The following GNA12 variants were observed in gnomAD, a reference collection of about 807,000 sequenced individuals.
GNA12 encodes the protein guanine nucleotide-binding protein subunit alpha-12.
A neutral mutation model predicts 26.0 loss-of-function variants in GNA12; 9 were observed. That is an observed-to-expected ratio of 0.35 (90% CI 0.21 to 0.60). The LOEUF (loss-of-function observed/expected upper bound fraction) is 0.60, where lower values mean the gene tolerates loss of function less well. Ranked by LOEUF, GNA12 falls within the 20% of genes least tolerant of loss-of-function variation. GNA12 has a pLI of 0.78. For synonymous variants in GNA12, 264 were observed against 219.6 expected, an observed-to-expected ratio of 1.20 and a Z score of -1.79; for missense variants, 405 against 525.8, an observed-to-expected ratio of 0.77 and a Z score of 2.25.
chr7:2,826,400 C>G lies in GNA12; in HGVS notation c.309+17453G>C, dbSNP rs911328317. On this transcript the variant is annotated intron_variant, in intron 1 of 3. Coordinates refer to ENST00000275364, the MANE Select transcript of GNA12 (RefSeq NM_007353.3). Reference sequence around the variant, plus strand: ...TCAAAAAAAAAAAAAAAAAAACCAACAAAAGCAAATACTTGTACCATATAA... The same window carrying G: ...TCAAAAAAAAAAAAAAAAAAACCAAGAAAAGCAAATACTTGTACCATATAA... Among the ~76,000 whole-genome samples, 13 of 138,980 alleles carry G rather than the reference C, an allele frequency of 9.4e-5. No individual in the cohort carries two copies. The South Asian group carries it at 2.8e-3, about 30-fold the overall frequency. The allele number at this position is 138,980 out of a possible 152,430, so 91.2% of individuals were successfully genotyped here.
At chr7:2,811,042 A>C (rs1323352562) in intron 1 of GNA12, among the ~76,000 whole-genome samples, 14 of 152,212 alleles carry the variant, frequency 9.2e-5, no homozygotes, top group Admixed American at 6.5e-4. Context: ...GAATCAGAAG[A>C]AACAGATGCT....
chr7:2,745,293 G>A (rs1041339062), intron 2 of GNA12, among the ~76,000 whole-genome samples: 1 of 152,224 alleles, frequency 6.6e-6, no homozygotes, highest in Non-Finnish European at 1.5e-5. Context: ...CCCACAAAGG[G>A]AAGCCCATCA....
chr7:2,813,993 C>G (rs1355599452), intron 1 of GNA12, among the ~76,000 whole-genome samples: 1 of 152,176 alleles, frequency 6.6e-6, no homozygotes, highest in Non-Finnish European at 1.5e-5. Context: ...GAGGAGTTCA[C>G]CCCTCATTTC....
At chr7:2,833,962 A>C (rs1381154993) in intron 1 of GNA12, among the ~76,000 whole-genome samples, 1 of 152,212 alleles carries the variant, frequency 6.6e-6, no homozygotes, top group Non-Finnish European at 1.5e-5. Flanking sequence ...ATTTTTACAT[A>C]ATCTTTGATA....
At chr7:2,762,481 G>A (rs1791607268) in intron 2 of GNA12, 1 of 704,404 alleles carries the variant, frequency 1.4e-6, no homozygotes, top group African/African-American at 1.9e-5. Context: ...CCACCCGTGT[G>A]CGGGGCCTGA....
chr7:2,753,311 G>A (rs1353610172), intron 2 of GNA12, among the ~76,000 whole-genome samples: 3 of 152,068 alleles, frequency 2.0e-5, no homozygotes, highest in Admixed American at 6.5e-5. Flanking sequence ...ATGCCACCAC[G>A]ATTGGCTAAT....
At chr7:2,753,441 T>C (rs1211643202) in intron 2 of GNA12, among the ~76,000 whole-genome samples, 1 of 152,196 alleles carries the variant, frequency 6.6e-6, no homozygotes, top group South Asian at 2.1e-4. Context: ...CCTGGCAGCA[T>C]GTGGCCTTTG....
chr7:2,833,646 G>T (rs1562450396), intron 1 of GNA12, among the ~76,000 whole-genome samples: 3 of 152,064 alleles, frequency 2.0e-5, no homozygotes, highest in African/African-American at 4.8e-5. Flanking sequence ...GTTTTGTTTG[G>T]TTTTTTGGTA....
At chr7:2,830,963 C>A (rs75329599) in intron 1 of GNA12, among the ~76,000 whole-genome samples, 1 of 147,358 alleles carries the variant, frequency 6.8e-6, no homozygotes, top group East Asian at 2.0e-4. Flanking sequence ...GAAAAAAAAA[C>A]AAAAAACAAA....
chr7:2,755,151 C>A (rs978569252), intron 2 of GNA12, among the ~76,000 whole-genome samples: 1 of 152,320 alleles, frequency 6.6e-6, no homozygotes, highest in Middle Eastern at 3.4e-3. Flanking sequence ...CAGCACCACA[C>A]AGGCCTGACC....
intron 1 of GNA12, among the ~76,000 whole-genome samples, chr7:2,834,788 T>A (rs937901708): frequency 3.9e-5 from 6 of 152,208 alleles, no homozygotes; most frequent in Non-Finnish European, 7.3e-5. Context: ...GTATTCAGTA[T>A]AGTAACATGC....
intron 2 of GNA12, among the ~76,000 whole-genome samples, chr7:2,755,415 A>G (rs1791246772): frequency 6.6e-6 from 1 of 151,796 alleles, no homozygotes; most frequent in Admixed American, 6.6e-5. Context: ...TTTAGATCTC[A>G]TTTCTTGAGT....
At position 2,843,834 on chromosome 7, in the gene GNA12, G is replaced by A; in HGVS notation, c.309+19C>T. 1.4e-6 allele frequency: 2 copies of A among 1,417,916 alleles called. No individual in the cohort carries two copies. Among genetic ancestry groups the A allele is most frequent in the Non-Finnish European group, 1.9e-6 (2 of 1,063,238 alleles). 87.8% of individuals were successfully genotyped at this position (1,417,916 alleles called of 1,614,324 possible). A position where few individuals can be genotyped will look rare whatever the true frequency, so the allele number is the denominator to read the frequency against. ...CCGGCCCACCTGGGTGCAGGTGCTG[G>A]GCGGGGGGCGCGCGTCACCTTGAGG... On this transcript the variant is annotated intron_variant, in intron 1 of 3. Transcript: ENST00000275364.
rs542672819 is a variant in GNA12, at chr7:2,761,826, C to T, written c.526-28325G>A. Among the ~76,000 whole-genome samples the T allele has an allele frequency of 9.8e-4, 149 of 152,342 alleles. 1 individual carries two copies. Among genetic ancestry groups the T allele is most frequent in the African/African-American group, 3.6e-3 (148 of 41,574 alleles). On this transcript the variant is annotated intron_variant, in intron 2 of 3. Transcript: ENST00000275364. ...GACCAACTAATGCTGCTTTCATACC[C>T]TGGATAGTGCTGAGTACCTAACAGC... is the stretch of plus-strand genomic sequence containing the variant.
At chr7:2,780,217 C>T (rs1031662361) in intron 2 of GNA12, among the ~76,000 whole-genome samples, 6 of 151,368 alleles carry the variant, frequency 4.0e-5, no homozygotes, top group East Asian at 1.9e-4. Flanking sequence ...CTTTTCTAAC[C>T]GCTGGACAAT....
Position 2,766,405 on chromosome 7 carries a change from G to C in GNA12, c.525+28523C>G, listed in dbSNP as rs576682392. Among the ~76,000 whole-genome samples the C allele has an allele frequency of 9.5e-3, 679 of 71,558 alleles. 2 individuals are homozygous for C. Among genetic ancestry groups the C allele is most frequent in the Non-Finnish European group, 0.015 (547 of 36,844 alleles). 46.9% of individuals were successfully genotyped at this position (71,558 alleles called of 152,430 possible). ...CTTCCGCCTTTTTTTTTTTTTTTTTGAGACGGAGTCTTGCTCTGTCGCCAG... is the reference window on the plus strand; with the variant it reads ...CTTCCGCCTTTTTTTTTTTTTTTTTCAGACGGAGTCTTGCTCTGTCGCCAG... On this transcript the variant is annotated intron_variant, in intron 2 of 3. Transcript: ENST00000275364.
rs1713919 is a variant in GNA12 at position 2,825,072 on chromosome 7, C to T, written c.309+18781G>A. On this transcript the variant is annotated intron_variant, in intron 1 of 3. Coordinates refer to ENST00000275364, the MANE Select transcript of GNA12 (RefSeq NM_007353.3). ...GTAGTACCCAAGACTCCATGACCATCTCTAAACATCAGACTGCCACCAAAA... is the reference window on the plus strand; with the variant it reads ...GTAGTACCCAAGACTCCATGACCATTTCTAAACATCAGACTGCCACCAAAA... Among the ~76,000 whole-genome samples the T allele has an allele frequency of 8.5e-5, 13 of 152,182 alleles. No individual in the cohort carries two copies. In the East Asian group the frequency reaches 2.5e-3, roughly 29 times the overall value.
At chr7:2,840,461 G>C (rs1037464039) in intron 1 of GNA12, among the ~76,000 whole-genome samples, 1 of 152,214 alleles carries the variant, frequency 6.6e-6, no homozygotes, top group Non-Finnish European at 1.5e-5. Flanking sequence ...CCGTGCTCTA[G>C]AAGGAGCCTG....
At chr7:2,739,542 T>G (rs1790393144) in intron 2 of GNA12, among the ~76,000 whole-genome samples, 3 of 152,242 alleles carry the variant, frequency 2.0e-5, no homozygotes, top group South Asian at 4.1e-4. Flanking sequence ...CATTTGTCAG[T>G]TGATGAACAC....
Sources: allele counts gnomAD v4.1 joint callset (sites outside exome capture counted in the v4.1 genomes callset), GRCh38; gene constraint gnomAD v4.1.1; transcripts MANE v1.5; gene names NCBI Gene and HGNC (gene_info 2026-07-23, HGNC 2026-07-21).